Variants in EPM2A observed in about 807,000 individuals in gnomAD.
EPM2A encodes the protein laforin.
EPM2A carries 21 observed loss-of-function variants against 26.5 expected under a neutral mutation model. The ratio of observed to expected loss-of-function variants is 0.79; its 90% CI spans 0.56 to 1.14. EPM2A has a LOEUF of 1.14. EPM2A is among the 50% of genes most tolerant of loss of function. EPM2A has a pLI of 0.00. For missense variants in EPM2A, 458 were observed against 440.8 expected (o/e 1.04, Z -0.35); for synonymous variants, 217 against 177.6 (o/e 1.22, Z -1.76).
intron 2 of EPM2A, among the ~76,000 whole-genome samples, chr6:145,515,257 A>G (rs1328767426): frequency 6.6e-6 from 1 of 152,218 alleles, no homozygotes; most frequent in Non-Finnish European, 1.5e-5. Flanking sequence ...AGAGAAAGCA[A>G]TGGTGATGCC....
intron 2 of EPM2A, among the ~76,000 whole-genome samples, chr6:145,672,429 C>A (rs1246438973): frequency 1.3e-5 from 2 of 152,142 alleles, no homozygotes; most frequent in African/African-American, 4.8e-5. Context: ...CAACAAAGTC[C>A]TAATGCCAGC....
chr6:145,478,913 A>T (rs1181146503), intron 4 of EPM2A, among the ~76,000 whole-genome samples: 1 of 151,656 alleles, frequency 6.6e-6, no homozygotes, highest in African/African-American at 2.4e-5. Flanking sequence ...ATTTGTGGTC[A>T]GTTTCTTTGT....
intron 4 of EPM2A, among the ~76,000 whole-genome samples, chr6:145,477,360 T>A (rs1779555708): frequency 6.6e-6 from 1 of 151,842 alleles, no homozygotes; most frequent in African/African-American, 2.4e-5. Flanking sequence ...TTTAAAGAAC[T>A]AATACCAATC....
intron 2 of EPM2A, among the ~76,000 whole-genome samples, chr6:145,607,747 G>C (rs922486956): frequency 4.6e-5 from 7 of 151,828 alleles, no homozygotes; most frequent in African/African-American, 1.7e-4. Flanking sequence ...CCACTGCTCT[G>C]ATCAACAGTG....
At chr6:145,620,346 C>CAG (rs1400570509), downstream of EPM2A, among the ~76,000 whole-genome samples, 1 of 152,094 alleles carries the variant, frequency 6.6e-6, no homozygotes, top group East Asian at 1.9e-4. Context: ...TGACAGGAGG[C>CAG]AGAGCTCAGG....
intron 2 of EPM2A, among the ~76,000 whole-genome samples, chr6:145,510,940 T>C (rs1184778608): frequency 6.6e-6 from 1 of 152,046 alleles, no homozygotes; most frequent in African/African-American, 2.4e-5. Context: ...AAATACAAAA[T>C]ATATTCAGAG....
intron 1 of EPM2A, among the ~76,000 whole-genome samples, chr6:145,696,775 ATG>A (rs35621582): frequency 0.16 from 21,405 of 134,938 alleles, 1,673 homozygotes; most frequent in East Asian, 0.34. Flanking sequence ...AGGTAGGGGT[ATG>A]TGTGTGTGTG....
At chr6:145,693,880 C>T (rs1409350226) in intron 1 of EPM2A, among the ~76,000 whole-genome samples, 3 of 151,830 alleles carry the variant, frequency 2.0e-5, no homozygotes, top group East Asian at 3.9e-4. Flanking sequence ...TGATTTCAAA[C>T]GAAGTGAGTA....
At chr6:145,575,116 C>T (rs1781013263) in intron 2 of EPM2A, among the ~76,000 whole-genome samples, 1 of 152,058 alleles carries the variant, frequency 6.6e-6, no homozygotes, top group Admixed American at 6.6e-5. Context: ...CAGGGGAGGC[C>T]ACCACTGTGT....
chr6:145,587,255 T>A (rs1035271805), intron 2 of EPM2A, among the ~76,000 whole-genome samples: 4 of 152,200 alleles, frequency 2.6e-5, no homozygotes, highest in East Asian at 1.9e-4. Context: ...CCTAACATGT[T>A]GTGTTTTTTT....
rs1562531392 is a variant in EPM2A at position 145,732,241 on chromosome 6, G to GCA, written c.301+2956_301+2957insTG. Among the ~76,000 whole-genome samples the GCA allele has an allele frequency of 9.4e-5, 14 of 149,380 alleles. 1 individual carries two copies. The highest frequency in any genetic ancestry group is 8.0e-4 in the Admixed American group (12 of 14,952). ...TGTGTGTGTGTGTGTGTGTGTGCGC[G>GCA]CCAAAGTAAGGAAGGGAGAGGAATG... On this transcript the variant is annotated intron_variant, in intron 1 of 3. Transcript: ENST00000367519.
chr6:145,644,025 G>A lies in EPM2A; in HGVS notation c.477-8539C>T, dbSNP rs560360506. Among the ~76,000 whole-genome samples the A allele has an allele frequency of 2.0e-5, 3 of 152,254 alleles. No individual in the cohort carries two copies. The East Asian group carries it at 5.8e-4, about 29-fold the overall frequency. On this transcript the variant is annotated intron_variant, in intron 2 of 3. Coordinates refer to ENST00000367519, the MANE Select transcript of EPM2A (RefSeq NM_005670.4). Reference sequence around the variant, plus strand: ...CGAGCTCCCATGTAACACCCATGCTGCTGGCCCTTGGACCACAGTTCGAGT... The same window carrying A: ...CGAGCTCCCATGTAACACCCATGCTACTGGCCCTTGGACCACAGTTCGAGT...
chr6:145,729,046 T>C (rs563930880), intron 1 of EPM2A, among the ~76,000 whole-genome samples: 5 of 152,334 alleles, frequency 3.3e-5, no homozygotes, highest in East Asian at 1.9e-4. Flanking sequence ...GTGCAAGCCA[T>C]AATCCTTGGA....
At chr6:145,690,028 T>C (rs1781174371) in intron 1 of EPM2A, among the ~76,000 whole-genome samples, 1 of 152,074 alleles carries the variant, frequency 6.6e-6, no homozygotes, top group Non-Finnish European at 1.5e-5. Context: ...CATTCCTCCC[T>C]GTCTCAGCCA....
intron 4 of EPM2A, among the ~76,000 whole-genome samples, chr6:145,431,779 C>A (rs1460519860): frequency 1.3e-5 from 2 of 152,142 alleles, no homozygotes; most frequent in Non-Finnish European, 2.9e-5. Context: ...TGGACTCTTC[C>A]TTTCATAAAT....
chr6:145,519,038 A>G (rs419575), intron 2 of EPM2A, among the ~76,000 whole-genome samples: 68,531 of 152,138 alleles, frequency 0.45, 15,482 homozygotes, highest in South Asian at 0.58. Flanking sequence ...AGAGCCCAGC[A>G]TTGCATGAGA....
intron 4 of EPM2A, among the ~76,000 whole-genome samples, chr6:145,462,934 C>T (rs376565203): frequency 2.3e-4 from 35 of 152,238 alleles, no homozygotes; most frequent in African/African-American, 6.3e-4. Flanking sequence ...GATTTCTTTC[C>T]GAATATTAAA....
At chr6:145,720,822 G>A (rs1179047929) in intron 1 of EPM2A, 2 of 152,148 alleles carry the variant, frequency 1.3e-5, no homozygotes, top group Non-Finnish European at 2.9e-5. Context: ...TTTGCTCATA[G>A]AAACAGTATT....
At chr6:145,678,794 T>G (rs1252366717) in intron 2 of EPM2A, among the ~76,000 whole-genome samples, 1 of 152,222 alleles carries the variant, frequency 6.6e-6, no homozygotes, top group Non-Finnish European at 1.5e-5. Flanking sequence ...GCTTTTACAC[T>G]GTTGGTGGGA....
Sources: allele counts gnomAD v4.1 joint callset (sites outside exome capture counted in the v4.1 genomes callset), GRCh38; gene constraint gnomAD v4.1.1; transcripts MANE v1.5; gene names NCBI Gene and HGNC (gene_info 2026-07-23, HGNC 2026-07-21).